Variants in ST6GAL1 observed in about 807,000 individuals in gnomAD.
ST6GAL1 encodes the protein ST6 beta-galactoside alpha-2,6-sialyltransferase 1, also known as beta-galactoside alpha-2,6-sialyltransferase 1.
Under a neutral mutation model 38.0 loss-of-function variants are expected in ST6GAL1, and 20 were observed. The ratio of observed to expected loss-of-function variants is 0.53; its 90% CI spans 0.37 to 0.77. The LOEUF is 0.77. Ranked by LOEUF, ST6GAL1 falls within the 30% of genes least tolerant of loss-of-function variation. The probability of loss-of-function intolerance (pLI) is 0.00; values close to 1 mark genes in which losing one functional copy is unlikely to be tolerated. For synonymous variants in ST6GAL1, 196 were observed against 188.2 expected, an observed-to-expected ratio of 1.04 and a Z score of -0.34; for missense variants, 432 against 496.4, an observed-to-expected ratio of 0.87 and a Z score of 1.23.
intron 1 of ST6GAL1, among the ~76,000 whole-genome samples, chr3:186,958,178 G>T (rs1714809203): frequency 6.6e-6 from 1 of 152,152 alleles, no homozygotes; most frequent in South Asian, 2.1e-4. Flanking sequence ...ACAAACAAAT[G>T]AGGTAATAAT....
intron 2 of ST6GAL1, among the ~76,000 whole-genome samples, chr3:186,982,578 T>G (rs930751639): frequency 6.6e-6 from 1 of 152,160 alleles, no homozygotes; most frequent in African/African-American, 2.4e-5. Flanking sequence ...TAATCAACCT[T>G]GAGCTTGAGA....
chr3:187,048,036 G>A (rs1306168818), intron 4 of ST6GAL1, among the ~76,000 whole-genome samples: 1 of 151,082 alleles, frequency 6.6e-6, no homozygotes, highest in Non-Finnish European at 1.5e-5. Flanking sequence ...TCCACCTCCT[G>A]GGTTCACACC....
At chr3:186,999,230 C>CA (rs1188047389) in intron 2 of ST6GAL1, among the ~76,000 whole-genome samples, 25 of 152,232 alleles carry the variant, frequency 1.6e-4, no homozygotes, top group African/African-American at 6.0e-4. Flanking sequence ...ACCATTAACA[C>CA]CACTCGCCTC....
chr3:186,939,190 T>C (rs1397695544), intron 1 of ST6GAL1, among the ~76,000 whole-genome samples: 2 of 151,564 alleles, frequency 1.3e-5, no homozygotes, highest in East Asian at 3.9e-4. Flanking sequence ...TCCTCCTGCC[T>C]CAGCCTCCGA....
At chr3:187,016,675 C>T (rs750110096) in intron 2 of ST6GAL1, among the ~76,000 whole-genome samples, 14 of 152,196 alleles carry the variant, frequency 9.2e-5, no homozygotes, top group Non-Finnish European at 1.8e-4. Flanking sequence ...AAATGTTCTT[C>T]AGGTGTGGTA....
At chr3:187,003,188 A>AAAC (rs1260782571) in intron 2 of ST6GAL1, among the ~76,000 whole-genome samples, 3 of 141,512 alleles carry the variant, frequency 2.1e-5, no homozygotes, top group African/African-American at 7.7e-5. Flanking sequence ...CCAAACCAAA[A>AAAC]CAACAACAGC....
intron 2 of ST6GAL1, among the ~76,000 whole-genome samples, chr3:186,991,598 C>T (rs1460268102): frequency 1.3e-5 from 2 of 152,190 alleles, no homozygotes; most frequent in African/African-American, 4.8e-5. Flanking sequence ...ATTTCACTCA[C>T]TCTCCCAAGG....
intron 4 of ST6GAL1, 92 bp from the exon 5 acceptor site, chr3:187,051,157 T>C: frequency 9.2e-7 from 1 of 1,092,692 alleles, no homozygotes; most frequent in Non-Finnish European, 1.4e-6. Context: ...GGAAGCATTA[T>C]TCCCTTGCCC....
intron 7 of ST6GAL1, among the ~76,000 whole-genome samples, chr3:187,074,849 A>G (rs1161677719): frequency 6.6e-6 from 1 of 152,204 alleles, no homozygotes; most frequent in Non-Finnish European, 1.5e-5. Context: ...AAGATAAATA[A>G]TATTTCACTA....
intron 5 of ST6GAL1, among the ~76,000 whole-genome samples, chr3:187,063,281 G>A (rs902664769): frequency 2.6e-5 from 4 of 152,210 alleles, no homozygotes; most frequent in Admixed American, 6.5e-5. Flanking sequence ...AAGAAGGTGC[G>A]AGTGGTGTAG....
chr3:187,074,441 A>ATTCGTTTGTTCAT, intron 7 of ST6GAL1, 108 bp downstream of exon 7: 1 of 1,237,180 alleles, frequency 8.1e-7, no homozygotes, highest in Non-Finnish European at 1.1e-6. Flanking sequence ...TCACTAAACA[A>ATTCGTTTGTTCAT]TTGCTAGGAT....
intron 2 of ST6GAL1, among the ~76,000 whole-genome samples, chr3:187,024,470 A>G (rs200519253): frequency 2.0e-5 from 2 of 98,228 alleles, no homozygotes; most frequent in East Asian, 3.2e-4. Flanking sequence ...ACACATATAT[A>G]TGTGTATATA....
chr3:187,034,532 C>G (rs950684730), intron 2 of ST6GAL1, among the ~76,000 whole-genome samples: 1 of 152,156 alleles, frequency 6.6e-6, no homozygotes, highest in Admixed American at 6.5e-5. Flanking sequence ...CCGAATCCAG[C>G]AGCACATCAA....
At chr3:187,068,232 C>T (rs936079297) in intron 5 of ST6GAL1, among the ~76,000 whole-genome samples, 5 of 151,806 alleles carry the variant, frequency 3.3e-5, no homozygotes, top group African/African-American at 9.7e-5. Flanking sequence ...GTACCAGCTA[C>T]TTGGGAGGCT....
chr3:187,042,985 G>A lies in ST6GAL1; in HGVS notation c.282G>A (p.Gln94=). 3.1e-6 allele frequency: 5 copies of A among 1,614,140 alleles called. No individual in the cohort carries two copies. The highest frequency in any genetic ancestry group is 4.2e-6 in the Non-Finnish European group (5 of 1,180,020). The part of the protein sequence containing the change: ...LAKAKPEASF[Q]VWNKDSSSKN... ...AGGCCAAACCAGAGGCCTCCTTCCA[G>A]GTGTGGAACAAGGACAGCTCTTCCA... The change falls in exon 4 of 8, where the codon CAG becomes CAA. Residue 94 remains glutamine, a synonymous_variant. Transcript: ENST00000169298.
chr3:187,014,871 T>A (rs2108560966), intron 2 of ST6GAL1, among the ~76,000 whole-genome samples: 1 of 152,364 alleles, frequency 6.6e-6, no homozygotes, highest in South Asian at 2.1e-4. Flanking sequence ...GGAGGCATTT[T>A]GTTCTTGCTT....
intron 2 of ST6GAL1, among the ~76,000 whole-genome samples, chr3:187,016,804 C>T (rs915054312): frequency 9.2e-5 from 14 of 152,216 alleles, no homozygotes; most frequent in African/African-American, 3.4e-4. Flanking sequence ...CAGAGGGTAG[C>T]AGCCCCTTTG....
intron 2 of ST6GAL1, among the ~76,000 whole-genome samples, chr3:186,981,338 A>G (rs140790281): frequency 1.3e-5 from 2 of 152,308 alleles, no homozygotes; most frequent in East Asian, 3.9e-4. Context: ...GTTACATTTT[A>G]CTGTTTACAT....
intron 2 of ST6GAL1, among the ~76,000 whole-genome samples, chr3:186,973,791 CATGTGCCTT>C (rs1466061524): frequency 6.6e-6 from 1 of 152,152 alleles, no homozygotes; most frequent in African/African-American, 2.4e-5. Context: ...GAAAACGGGA[CATGTGCCTT>C]ACCCAAGTTC....
Sources: allele counts gnomAD v4.1 joint callset (sites outside exome capture counted in the v4.1 genomes callset), GRCh38; gene constraint gnomAD v4.1.1; transcripts MANE v1.5; gene names NCBI Gene and HGNC (gene_info 2026-07-23, HGNC 2026-07-21).